Variants in COTL1 observed in about 807,000 individuals in gnomAD.
The protein encoded by COTL1 is coactosin-like protein.
Under a neutral mutation model 16.5 loss-of-function variants are expected in COTL1, and 15 were observed. The ratio of observed to expected loss-of-function variants is 0.91; its 90% CI spans 0.61 to 1.40. The LOEUF (loss-of-function observed/expected upper bound fraction) is 1.40. COTL1 is among the 40% of genes most tolerant of loss of function. The pLI is 0.00. For synonymous variants in COTL1, 112 were observed against 85.3 expected (o/e 1.31, Z -1.73); for missense variants, 220 against 201.5 (o/e 1.09, Z -0.56).
At chr16:84,595,772 GTATAA>G (rs1904988153) in intron 2 of COTL1, 1 of 152,026 alleles carries the variant, frequency 6.6e-6, no homozygotes, top group African/African-American at 2.4e-5. Flanking sequence ...ATATTTGTGT[GTATAA>G]TATGTGTCTA....
chr16:84,593,901 C>T (rs1904934874), intron 2 of COTL1, among the ~76,000 whole-genome samples: 1 of 152,210 alleles, frequency 6.6e-6, no homozygotes, highest in Admixed American at 6.5e-5. Flanking sequence ...CGAGAACTCC[C>T]GTCCTCAAGA....
rs374319700 is a variant in COTL1, at chr16:84,590,176, C to G, written c.247G>C (p.Gly83Arg). Residue 83 changes from glycine (G) to arginine (R), a missense_variant, in exon 3 of 4, where the codon GGT (glycine) becomes CGT (arginine). By Grantham distance (125) the Gly-to-Arg change is moderately radical. Transcript: ENST00000262428. This position sits in a 1 kb window ranked among gnomAD's most constrained non-coding sequence, Gnocchi z 5.5. ...RSKFALITWI[G>R]ENVSGLQRAK... is the part of the protein sequence containing the mutation. ...CGCTGCAGCCCGCTGACGTTCTCAC[C>G]GATCCACGTGATGAGGGCAAACTTG... 1 of 1,614,096 alleles carries G rather than the reference C, an allele frequency of 6.2e-7. No homozygotes were observed. The highest frequency in any genetic ancestry group is 8.5e-7 in the Non-Finnish European group (1 of 1,180,046).
chr16:84,611,075 C>T (rs1186525159), intron 2 of COTL1, among the ~76,000 whole-genome samples: 1 of 152,244 alleles, frequency 6.6e-6, no homozygotes, highest in Non-Finnish European at 1.5e-5. Flanking sequence ...CAGCAACCTA[C>T]ATGCAATCAT....
At chr16:84,614,747 A>AC (rs1404256198) in intron 2 of COTL1, among the ~76,000 whole-genome samples, 1 of 152,104 alleles carries the variant, frequency 6.6e-6, no homozygotes, top group Non-Finnish European at 1.5e-5. Context: ...GCCTGTCAGG[A>AC]TACCTGGCAG....
At chr16:84,602,634 C>G (rs1905124575) in intron 2 of COTL1, among the ~76,000 whole-genome samples, 1 of 152,120 alleles carries the variant, frequency 6.6e-6, no homozygotes, top group Admixed American at 6.5e-5. Context: ...GCGAGCAGAT[C>G]ACTTGAGCTC....
chr16:84,585,732 G>A (rs907906462), intron 3 of COTL1, among the ~76,000 whole-genome samples: 6 of 152,178 alleles, frequency 3.9e-5, no homozygotes, highest in Non-Finnish European at 8.8e-5. Context: ...CATTATACCA[G>A]CAGAATGGAC....
At chr16:84,613,439 C>T (rs1404621236) in intron 2 of COTL1, among the ~76,000 whole-genome samples, 1 of 152,110 alleles carries the variant, frequency 6.6e-6, no homozygotes, top group East Asian at 1.9e-4. Flanking sequence ...AAATCAAAAG[C>T]ACCAAGACGG....
At chr16:84,593,490 A>G (rs1443475466) in intron 2 of COTL1, among the ~76,000 whole-genome samples, 2 of 1,536 alleles carry the variant, frequency 1.3e-3, no homozygotes, top group Non-Finnish European at 0.045. Flanking sequence ...TAAAAGTCAC[A>G]TAACAAAATT....
At chr16:84,589,805 C>A (rs905575850) in intron 3 of COTL1, among the ~76,000 whole-genome samples, 6 of 152,072 alleles carry the variant, frequency 3.9e-5, no homozygotes, top group African/African-American at 9.7e-5. Context: ...CTGGTCCCCC[C>A]ACCAGTTCCC....
chr16:84,572,013 T>C (rs142647111), intron 3 of COTL1, among the ~76,000 whole-genome samples: 348 of 152,320 alleles, frequency 2.3e-3, no homozygotes, highest in African/African-American at 7.8e-3. Flanking sequence ...GTCCCCAAAA[T>C]GTCTAACCTG....
chr16:84,573,768 T>TACACACACACAC (rs3086225), intron 3 of COTL1, among the ~76,000 whole-genome samples: 419 of 146,204 alleles, frequency 2.9e-3, no homozygotes, highest in Non-Finnish European at 4.4e-3. Context: ...TATATATACA[T>TACACACACACAC]ACACACACAC....
intron 3 of COTL1, among the ~76,000 whole-genome samples, chr16:84,579,116 C>G (rs538320780): frequency 3.9e-5 from 6 of 152,340 alleles, no homozygotes; most frequent in African/African-American, 1.4e-4. Flanking sequence ...CACCACCATA[C>G]AGAGGTGTGC....
At position 84,577,737 on chromosome 16, in the gene COTL1, G is replaced by A. The variant is rs367849309; in HGVS notation, c.319-10782C>T. On this transcript the variant is annotated intron_variant, in intron 3 of 3. Transcript: ENST00000262428. ...AGACAGAGGCACACGGCTGTATTTC[G>A]GGTGGACACAGGGTAACCATCTAAT... Among the ~76,000 whole-genome samples, 97 of 152,260 alleles carry A rather than the reference G, an allele frequency of 6.4e-4. 1 individual carries two copies. In the South Asian group the frequency reaches 0.015, roughly 23 times the overall value.
intron 2 of COTL1, chr16:84,595,072 A>C (rs979379787): frequency 6.6e-6 from 1 of 151,914 alleles, no homozygotes; most frequent in Non-Finnish European, 1.5e-5. Context: ...AACCACAGGC[A>C]TTGTCCCTGT....
chr16:84,593,325 A>G (rs959759930), intron 2 of COTL1, among the ~76,000 whole-genome samples: 4 of 152,196 alleles, frequency 2.6e-5, no homozygotes, highest in Non-Finnish European at 5.9e-5. Flanking sequence ...CTGGTGACCA[A>G]CTGGATGTGA....
intron 3 of COTL1, among the ~76,000 whole-genome samples, chr16:84,583,232 A>G (rs996774566): frequency 1.3e-5 from 2 of 152,204 alleles, no homozygotes; most frequent in Non-Finnish European, 2.9e-5. Flanking sequence ...CAAGCTCCTC[A>G]TCTATAAAAC....
chr16:84,588,016 C>T (rs1030724770), intron 3 of COTL1, among the ~76,000 whole-genome samples: 1 of 152,032 alleles, frequency 6.6e-6, no homozygotes, highest in Non-Finnish European at 1.5e-5. Flanking sequence ...ACGTGATCCG[C>T]CTGCCTTGGC....
At chr16:84,574,265 C>T (rs1904402362) in intron 3 of COTL1, among the ~76,000 whole-genome samples, 1 of 152,224 alleles carries the variant, frequency 6.6e-6, no homozygotes, top group East Asian at 1.9e-4. Context: ...TTCCTGGTGC[C>T]AGCCCCACTT....
At chr16:84,613,834 C>A (rs1028017993) in intron 2 of COTL1, among the ~76,000 whole-genome samples, 2 of 152,044 alleles carry the variant, frequency 1.3e-5, no homozygotes, top group Non-Finnish European at 1.5e-5. Context: ...CCCCGCCCCC[C>A]ACCCACTCCA....
Sources: allele counts gnomAD v4.1 joint callset (sites outside exome capture counted in the v4.1 genomes callset), GRCh38; gene constraint gnomAD v4.1.1; non-coding constraint Gnocchi (gnomAD v3.1); transcripts MANE v1.5; gene names NCBI Gene and HGNC (gene_info 2026-07-23, HGNC 2026-07-21).